Variants in SHTN1 observed in about 807,000 individuals in gnomAD.
SHTN1 encodes shootin-1.
SHTN1 carries 42 observed loss-of-function variants against 83.1 expected under a neutral mutation model. The ratio of observed to expected loss-of-function variants is 0.51; its 90% CI spans 0.39 to 0.65. The LOEUF (loss-of-function observed/expected upper bound fraction) is 0.65, where lower values mean the gene tolerates loss of function less well. SHTN1 is among the 30% of genes least tolerant of loss of function. The pLI is 0.00. For synonymous variants in SHTN1, 224 were observed against 247.7 expected, an observed-to-expected ratio of 0.90 and a Z score of 0.90; for missense variants, 622 against 737.8, an observed-to-expected ratio of 0.84 and a Z score of 1.82.
intron 3 of SHTN1, among the ~76,000 whole-genome samples, chr10:116,963,924 C>T (rs1020424297): frequency 6.6e-6 from 1 of 151,054 alleles, no homozygotes; most frequent in African/African-American, 2.4e-5. Context: ...GACTTCAAAG[C>T]AGTCTTACAT....
intron 2 of SHTN1, among the ~76,000 whole-genome samples, chr10:117,018,245 G>A (rs1852209656): frequency 1.3e-5 from 2 of 152,162 alleles, no homozygotes; most frequent in Non-Finnish European, 2.9e-5. Flanking sequence ...TGGGTGAAGA[G>A]TATACAAGAA....
Position 116,881,848 on chromosome 10 carries a change from T to A in SHTN1, c.*4496A>T. 1 of 481,320 alleles carries A rather than the reference T, an allele frequency of 2.1e-6. No homozygotes were observed. The highest frequency in any genetic ancestry group is 3.4e-6 in the Non-Finnish European group (1 of 293,126). The allele number at this position is 481,320 out of a possible 1,614,324, so 29.8% of individuals were successfully genotyped here. A position where few individuals can be genotyped will look rare whatever the true frequency, so the allele number is the denominator to read the frequency against. On this transcript the variant is annotated 3_prime_UTR_variant, in exon 17 of 17. Coordinates refer to ENST00000355371, the MANE Select transcript of SHTN1 (RefSeq NM_001127211.3). Reference sequence around the variant, plus strand: ...TATATGATGTTTTTGCCTGAAATTCTGTGAACTTCGTTTTGCAGCCACCAC... The same window carrying A: ...TATATGATGTTTTTGCCTGAAATTCAGTGAACTTCGTTTTGCAGCCACCAC...
chr10:116,945,404 T>C (rs1849540587), intron 7 of SHTN1, among the ~76,000 whole-genome samples: 1 of 152,336 alleles, frequency 6.6e-6, no homozygotes, highest in South Asian at 2.1e-4. Flanking sequence ...CAAAATTATA[T>C]TGTAGAAGCA....
intron 1 of SHTN1, among the ~76,000 whole-genome samples, chr10:117,049,534 T>C (rs1019924734): frequency 2.1e-4 from 32 of 152,248 alleles, no homozygotes; most frequent in African/African-American, 7.2e-4. Flanking sequence ...GGAGTATGTC[T>C]GTTTAAACAT....
At position 117,070,273 on chromosome 10, in the gene SHTN1, T is replaced by C. The variant is rs948052394; in HGVS notation, c.-188-21763A>G. 7.8e-4 allele frequency among the ~76,000 whole-genome samples: 118 copies of C among 151,954 alleles called. 2 individuals carry two copies. Among genetic ancestry groups the C allele is most frequent in the Non-Finnish European group, 1.8e-4 (12 of 67,964 alleles). On this transcript the variant is annotated intron_variant, in intron 1 of 17. Transcript: ENST00000392901. ...TATTCTTATGTGTGTGTGTGTGGAG[T>C]GGGGAGTTCTTGTTTAAATCATAGT... is the stretch of plus-strand genomic sequence containing the variant.
At chr10:116,954,805 C>G (rs897283720) in intron 4 of SHTN1, among the ~76,000 whole-genome samples, 4 of 152,118 alleles carry the variant, frequency 2.6e-5, no homozygotes, top group Non-Finnish European at 5.9e-5. Flanking sequence ...TGTGCCTGGA[C>G]AGGAGCTGCT....
intron 2 of SHTN1, among the ~76,000 whole-genome samples, chr10:116,972,277 T>C (rs909178902): frequency 2.0e-5 from 3 of 152,206 alleles, no homozygotes; most frequent in Admixed American, 1.3e-4. Context: ...GTTGCTTTGC[T>C]TTCTATTTTC....
At chr10:116,924,889 C>T (rs1011294388) in intron 11 of SHTN1, among the ~76,000 whole-genome samples, 3 of 151,466 alleles carry the variant, frequency 2.0e-5, no homozygotes, top group African/African-American at 4.9e-5. Context: ...TCCCAAGTGG[C>T]TGGGACTACA....
intron 3 of SHTN1, 56 bp downstream of exon 3, chr10:116,968,582 TATAAGTCTACTCAC>T (rs1850484880): frequency 9.0e-7 from 1 of 1,106,730 alleles, no homozygotes; most frequent in Non-Finnish European, 1.4e-6. Context: ...CTCAATAGGG[TATAAGTCTACTCAC>T]ATAATCCCCA....
chr10:116,889,597 A>C (rs1450430641), intron 16 of SHTN1, among the ~76,000 whole-genome samples: 1 of 152,200 alleles, frequency 6.6e-6, no homozygotes, highest in Non-Finnish European at 1.5e-5. Flanking sequence ...GAAGAGGGGA[A>C]GGAACTGGCC....
In SHTN1 at chr10:117,048,512, T is replaced by C. The variant is rs753708275; in HGVS notation, c.-188-2A>G. 3 of 982,672 alleles carry C rather than the reference T, an allele frequency of 3.1e-6. No homozygotes were observed. The highest frequency in any genetic ancestry group is 4.7e-5 in the South Asian group (1 of 21,238). The allele number at this position is 982,672 out of a possible 1,614,324, so 60.9% of individuals were successfully genotyped here. ...CAGACCACTGATTGGAGGGCAAACC[T>C]GAAAAGGATTAAACACTTAGCATGG... On this transcript the variant is annotated splice_acceptor_variant, in intron 1 of 17. Coordinates refer to the SHTN1 transcript ENST00000392901. LOFTEE classifies it low-confidence loss of function (5UTR_SPLICE).
intron 1 of SHTN1, among the ~76,000 whole-genome samples, chr10:117,000,105 T>C (rs1851772348): frequency 6.6e-6 from 1 of 152,190 alleles, no homozygotes; most frequent in African/African-American, 2.4e-5. Flanking sequence ...CAGATGCAGC[T>C]GGCCCTTGTA....
intron 1 of SHTN1, among the ~76,000 whole-genome samples, chr10:117,060,215 C>G (rs896400352): frequency 6.6e-6 from 1 of 151,656 alleles, no homozygotes; most frequent in Non-Finnish European, 1.5e-5. Context: ...AGAGTAAGAC[C>G]CTATCTCTAA....
chr10:117,016,295 C>T (rs1367363495), intron 2 of SHTN1, among the ~76,000 whole-genome samples: 7 of 151,986 alleles, frequency 4.6e-5, no homozygotes, highest in East Asian at 3.9e-4. Context: ...TTTATGTATC[C>T]CAATTTGGCT....
chr10:117,089,050 C>G (rs1391247950), intron 1 of SHTN1, among the ~76,000 whole-genome samples: 4 of 152,174 alleles, frequency 2.6e-5, no homozygotes, highest in Admixed American at 6.5e-5. Context: ...TAGGGCTGTA[C>G]AGCCCCACTA....
At position 116,896,238 on chromosome 10, in the gene SHTN1, G is replaced by A. The variant is rs140720419; in HGVS notation, c.1673+5527C>T. 2.3e-4 allele frequency among the ~76,000 whole-genome samples: 35 copies of A among 152,300 alleles called. No individual in the cohort carries two copies. In the East Asian group the frequency reaches 6.7e-3, roughly 29 times the overall value. Reference sequence around the variant, plus strand: ...ATTTATGCATTCTGTTGATAATAGAGTTAACATGTTTCAGGTATCTCACAT... The same window carrying A: ...ATTTATGCATTCTGTTGATAATAGAATTAACATGTTTCAGGTATCTCACAT... On this transcript the variant is annotated intron_variant, in intron 16 of 16. Coordinates refer to ENST00000355371, the MANE Select transcript of SHTN1 (RefSeq NM_001127211.3).
At chr10:116,903,365 T>C (rs1227204409) in intron 15 of SHTN1, among the ~76,000 whole-genome samples, 1 of 152,044 alleles carries the variant, frequency 6.6e-6, no homozygotes, top group Non-Finnish European at 1.5e-5. Flanking sequence ...AAACCCTGTC[T>C]CTACTAGAAA....
Position 116,954,602 on chromosome 10 carries a change from T to TC in SHTN1, c.268-393dup, listed in dbSNP as rs527557495. Among the ~76,000 whole-genome samples, 112 of 152,302 alleles carry TC rather than the reference T, an allele frequency of 7.4e-4. 2 individuals are homozygous for TC. In the South Asian group the frequency reaches 0.022, roughly 30 times the overall value. On this transcript the variant is annotated intron_variant, in intron 4 of 16. Coordinates refer to ENST00000355371, the MANE Select transcript of SHTN1 (RefSeq NM_001127211.3). ...TTTAAATGTCTGTTTGCCTAACATC[T>TC]CTCTTTTCTGGACATTACCACTTTC...
chr10:117,047,532 C>T (rs1489469269), intron 2 of SHTN1, among the ~76,000 whole-genome samples: 2 of 152,150 alleles, frequency 1.3e-5, no homozygotes, highest in African/African-American at 4.8e-5. Context: ...AACGTATCAA[C>T]GATAATTGCG....
Sources: gnomAD v4.1 joint callset for allele counts (sites outside exome capture counted in the v4.1 genomes callset) on GRCh38, gnomAD v4.1.1 for gene constraint, MANE v1.5 for transcripts, NCBI Gene and HGNC (gene_info 2026-07-23, HGNC 2026-07-21) for gene names.